Variants in SAMD12 observed in about 807,000 individuals in gnomAD.
SAMD12 encodes sterile alpha motif domain containing 12, also known as sterile alpha motif domain-containing protein 12.
Under a neutral mutation model 15.0 loss-of-function variants are expected in SAMD12, and 9 were observed. That is an observed-to-expected ratio of 0.60 (90% confidence interval 0.36 to 1.05). The LOEUF (loss-of-function observed/expected upper bound fraction) is 1.05, where lower values mean the gene tolerates loss of function less well. Ranked by LOEUF, SAMD12 falls within the 50% of genes least tolerant of loss-of-function variation. The pLI is 0.01. For missense variants in SAMD12, 230 were observed against 234.2 expected (o/e 0.98, Z 0.12); for synonymous variants, 86 against 90.1 (o/e 0.96, Z 0.25).
intron 2 of SAMD12, among the ~76,000 whole-genome samples, chr8:118,555,567 C>T (rs1027315078): frequency 6.6e-6 from 1 of 152,264 alleles, no homozygotes; most frequent in Non-Finnish European, 1.5e-5. Flanking sequence ...GTTAATGAAT[C>T]AAAGAAGCCA....
chr8:118,316,041 T>G (rs924050174), intron 4 of SAMD12, among the ~76,000 whole-genome samples: 2 of 152,194 alleles, frequency 1.3e-5, no homozygotes, highest in Non-Finnish European at 2.9e-5. Flanking sequence ...CAGCTTATTT[T>G]TGCGTAATGG....
At chr8:118,307,263 G>A (rs1405881287) in intron 4 of SAMD12, among the ~76,000 whole-genome samples, 1 of 152,190 alleles carries the variant, frequency 6.6e-6, no homozygotes, top group East Asian at 1.9e-4. Context: ...GTGGACTTCT[G>A]GAATGGTGGC....
chr8:118,248,130 G>T (rs2129999396), intron 4 of SAMD12, among the ~76,000 whole-genome samples: 1 of 152,222 alleles, frequency 6.6e-6, no homozygotes, highest in East Asian at 1.9e-4. Flanking sequence ...TCTGGAAATG[G>T]ACTGGTAGGA....
chr8:118,431,769 T>A (rs989599286), intron 3 of SAMD12, among the ~76,000 whole-genome samples: 5 of 152,008 alleles, frequency 3.3e-5, no homozygotes, highest in Admixed American at 6.6e-5. Flanking sequence ...GTTGGTGTTA[T>A]CTGAACTTCT....
chr8:118,330,797 G>A (rs1816771569), intron 4 of SAMD12, among the ~76,000 whole-genome samples: 1 of 152,114 alleles, frequency 6.6e-6, no homozygotes. Context: ...GACGGACAGT[G>A]GTTCCCAAGC....
chr8:118,354,923 A>G (rs1818153225), intron 4 of SAMD12, among the ~76,000 whole-genome samples: 1 of 152,250 alleles, frequency 6.6e-6, no homozygotes, highest in African/African-American at 2.4e-5. Flanking sequence ...CTTGGATAAT[A>G]ACCATAAATA....
chr8:118,235,395 G>C (rs1220379403), intron 4 of SAMD12, among the ~76,000 whole-genome samples: 1 of 152,092 alleles, frequency 6.6e-6, no homozygotes, highest in Non-Finnish European at 1.5e-5. Context: ...ATTTTTAGTA[G>C]AGATGGGGTT....
At chr8:118,213,250 C>T (rs1432901716) in intron 4 of SAMD12, among the ~76,000 whole-genome samples, 1 of 152,150 alleles carries the variant, frequency 6.6e-6, no homozygotes, top group Admixed American at 6.5e-5. Context: ...CTGGGACAGG[C>T]CTGAGACTTC....
intron 4 of SAMD12, among the ~76,000 whole-genome samples, chr8:118,222,869 C>A (rs933364015): frequency 2.6e-5 from 4 of 152,112 alleles, no homozygotes; most frequent in African/African-American, 9.7e-5. Context: ...ATAATCACTG[C>A]ACTGAATGTG....
chr8:118,298,509 C>T (rs28365513), intron 4 of SAMD12, among the ~76,000 whole-genome samples: 1,830 of 152,214 alleles, frequency 0.012, 39 homozygotes, highest in South Asian at 0.052. Flanking sequence ...AGTGAACTGC[C>T]ACCCAGACAT....
At chr8:118,162,390 G>A in the SAMD12 span, among the ~76,000 whole-genome samples, 1 of 151,236 alleles carries the variant, frequency 6.6e-6, no homozygotes, top group Non-Finnish European at 1.5e-5. Context: ...TAATCTTATT[G>A]GCAGGAAAGA....
chr8:118,460,228 T>C (rs1043392674), intron 2 of SAMD12, among the ~76,000 whole-genome samples: 2 of 152,228 alleles, frequency 1.3e-5, no homozygotes, highest in East Asian at 1.9e-4. Context: ...TCATGTCCTA[T>C]AATCACACAT....
At position 118,517,562 on chromosome 8, in the gene SAMD12, C is replaced by A. The variant is rs115227714; in HGVS notation, c.192+63153G>T. ...GTCAGAATCCCAGATAATGTATCAT[C>A]CAAGTGCTGACAGAACATGGGATTA... On this transcript the variant is annotated intron_variant, in intron 2 of 3. Coordinates refer to ENST00000314727, the MANE Select transcript of SAMD12 (RefSeq NM_207506.3). Among the ~76,000 whole-genome samples the A allele has an allele frequency of 4.5e-3, 678 of 152,264 alleles. 9 individuals are homozygous for A. Among genetic ancestry groups the A allele is most frequent in the African/African-American group, 0.016 (648 of 41,546 alleles).
chr8:118,303,446 C>G (rs1210479960), intron 4 of SAMD12, among the ~76,000 whole-genome samples: 2 of 152,162 alleles, frequency 1.3e-5, no homozygotes, highest in African/African-American at 4.8e-5. Context: ...GTTTCATTTA[C>G]CGGAAGAAAG....
At chr8:118,133,027 T>A in the SAMD12 span, among the ~76,000 whole-genome samples, 3 of 113,456 alleles carry the variant, frequency 2.6e-5, no homozygotes, top group South Asian at 8.7e-4. Flanking sequence ...TATATATATA[T>A]CTTATTACTT....
chr8:118,351,290 G>A (rs958837499), intron 4 of SAMD12, among the ~76,000 whole-genome samples: 5 of 152,176 alleles, frequency 3.3e-5, no homozygotes, highest in African/African-American at 1.2e-4. Context: ...CAGGCAGTGA[G>A]GGACGTACCT....
chr8:118,229,777 T>G (rs529563508), intron 4 of SAMD12, among the ~76,000 whole-genome samples: 2 of 151,922 alleles, frequency 1.3e-5, no homozygotes, highest in African/African-American at 4.8e-5. Flanking sequence ...TCACATAGAA[T>G]TCCCCTATAA....
chr8:118,347,692 G>C (rs181270021), intron 4 of SAMD12, among the ~76,000 whole-genome samples: 1 of 152,172 alleles, frequency 6.6e-6, no homozygotes. Flanking sequence ...TGATACAAAT[G>C]TTCTACAGAA....
chr8:118,216,390 A>G (rs1811960617), intron 4 of SAMD12, among the ~76,000 whole-genome samples: 1 of 150,754 alleles, frequency 6.6e-6, no homozygotes, highest in Non-Finnish European at 1.5e-5. Context: ...GGTTGCGAAA[A>G]TTTTCTCCCA....
Sources: gnomAD v4.1 joint callset for allele counts (sites outside exome capture counted in the v4.1 genomes callset) on GRCh38, gnomAD v4.1.1 for gene constraint, MANE v1.5 for transcripts, NCBI Gene and HGNC (gene_info 2026-07-23, HGNC 2026-07-21) for gene names.